The following NUDT3 variants were observed in gnomAD, a reference collection of about 807,000 sequenced individuals.
NUDT3 encodes the protein diphosphoinositol polyphosphate phosphohydrolase 1.
In NUDT3, 9 loss-of-function variants were observed where a neutral mutation model predicts 23.6. That is an observed-to-expected ratio of 0.38 (90% CI 0.23 to 0.66). The LOEUF (loss-of-function observed/expected upper bound fraction) is 0.66. Ranked by LOEUF, NUDT3 falls within the 30% of genes least tolerant of loss-of-function variation. The pLI is 0.52. For synonymous variants in NUDT3, 86 were observed against 82.6 expected (o/e 1.04, Z -0.22); for missense variants, 172 against 218.5 (o/e 0.79, Z 1.34).
intron 2 of NUDT3, among the ~76,000 whole-genome samples, chr6:34,319,893 T>G (rs1018807652): frequency 3.3e-5 from 5 of 152,226 alleles, no homozygotes; most frequent in Admixed American, 2.0e-4. Context: ...TTCTGTTTTC[T>G]GAGGCCTGCT....
chr6:34,288,472 C>G lies in NUDT3; in HGVS notation c.*281G>C. 3.4e-6 allele frequency: 1 copy of G among 294,556 alleles called. No homozygotes were observed. The highest frequency in any genetic ancestry group is 6.2e-6 in the Non-Finnish European group (1 of 161,096). The allele number at this position is 294,556 out of a possible 1,614,324, so 18.2% of individuals were successfully genotyped here. On this transcript the variant is annotated 3_prime_UTR_variant, in exon 5 of 5. Transcript: ENST00000607016. ...TCCAAGGCAGGGGAAGGCTGTTGGC[C>G]TCTCTTCAGAGGACTGCAGGGGTGG...
intron 2 of NUDT3, among the ~76,000 whole-genome samples, chr6:34,338,444 T>G (rs1764241849): frequency 6.6e-6 from 1 of 152,246 alleles, no homozygotes; most frequent in Non-Finnish European, 1.5e-5. Context: ...AATTTTCAAA[T>G]TATAGTTTCC....
chr6:34,341,652 G>A lies in NUDT3; in HGVS notation c.210+210C>T, dbSNP rs987083750. Reference sequence around the variant, plus strand: ...AAGTAACAAAAGTCTGGCATAAAAAGTCATGGGAAGTCTGGCACAGAGTGC... The same window carrying A: ...AAGTAACAAAAGTCTGGCATAAAAAATCATGGGAAGTCTGGCACAGAGTGC... On this transcript the variant is annotated intron_variant, in intron 2 of 4. Coordinates refer to ENST00000607016, the MANE Select transcript of NUDT3 (RefSeq NM_006703.4). Among the ~76,000 whole-genome samples, 5 of 152,250 alleles carry A rather than the reference G, an allele frequency of 3.3e-5. No homozygotes were observed. The East Asian group carries it at 9.6e-4, about 29-fold the overall frequency.
chr6:34,326,260 C>T (rs1185864668), intron 2 of NUDT3, among the ~76,000 whole-genome samples: 1 of 152,226 alleles, frequency 6.6e-6, no homozygotes, highest in African/African-American at 2.4e-5. Context: ...TAGCAAACTA[C>T]ATCTAGCTAC....
chr6:34,380,197 G>A (rs1194262453), intron 1 of NUDT3, among the ~76,000 whole-genome samples: 4 of 151,836 alleles, frequency 2.6e-5, no homozygotes, highest in Admixed American at 1.3e-4. Context: ...GATTACAGGC[G>A]CCTGCCACCA....
At chr6:34,373,532 T>C (rs143558744) in intron 1 of NUDT3, among the ~76,000 whole-genome samples, 3 of 152,184 alleles carry the variant, frequency 2.0e-5, no homozygotes, top group African/African-American at 7.2e-5. Context: ...TATAACGTAA[T>C]GGGCTCAAAA....
intron 2 of NUDT3, among the ~76,000 whole-genome samples, chr6:34,306,640 C>G (rs958176677): frequency 2.0e-5 from 3 of 152,234 alleles, no homozygotes; most frequent in African/African-American, 7.2e-5. Context: ...GTAATTCCAC[C>G]TCTATTCAGG....
intron 1 of NUDT3, among the ~76,000 whole-genome samples, chr6:34,387,191 GTATTTACTAT>G: frequency 6.6e-6 from 1 of 152,032 alleles, no homozygotes; most frequent in South Asian, 2.1e-4. Context: ...ACTGGTTTCT[GTATTTACTAT>G]ACTGTACTTT....
intron 2 of NUDT3, among the ~76,000 whole-genome samples, chr6:34,296,216 CTA>C (rs1251677240): frequency 1.3e-5 from 2 of 152,188 alleles, no homozygotes; most frequent in African/African-American, 4.8e-5. Context: ...TTGCAATGAG[CTA>C]TGATTGCACC....
intron 1 of NUDT3, among the ~76,000 whole-genome samples, chr6:34,373,716 G>A (rs1019967171): frequency 1.3e-5 from 2 of 152,164 alleles, no homozygotes; most frequent in Admixed American, 6.5e-5. Flanking sequence ...GCTGGGATTC[G>A]TGATCAGCTT....
intron 1 of NUDT3, among the ~76,000 whole-genome samples, chr6:34,354,749 A>ATATATATATTTATT (rs570166534): frequency 6.9e-6 from 1 of 144,540 alleles, no homozygotes; most frequent in East Asian, 2.0e-4. Context: ...ATATATATAT[A>ATATATATATTTATT]TATTTATTTA....
intron 1 of NUDT3, among the ~76,000 whole-genome samples, chr6:34,382,918 G>A (rs1765046160): frequency 6.6e-6 from 1 of 151,906 alleles, no homozygotes; most frequent in Non-Finnish European, 1.5e-5. Context: ...ACAAGGTCAG[G>A]AGTTCGAGAC....
chr6:34,336,521 T>G (rs1266740054), intron 2 of NUDT3, among the ~76,000 whole-genome samples: 1 of 152,242 alleles, frequency 6.6e-6, no homozygotes, highest in Non-Finnish European at 1.5e-5. Flanking sequence ...GTAGACTGTC[T>G]CTTCACTGTT....
chr6:34,321,600 G>A (rs1005608903), intron 2 of NUDT3, among the ~76,000 whole-genome samples: 4 of 151,680 alleles, frequency 2.6e-5, no homozygotes, highest in African/African-American at 9.7e-5. Flanking sequence ...TATATTTTTC[G>A]CTTATTATTT....
At chr6:34,373,626 T>A (rs1433042333) in intron 1 of NUDT3, among the ~76,000 whole-genome samples, 1 of 152,186 alleles carries the variant, frequency 6.6e-6, no homozygotes, top group African/African-American at 2.4e-5. Context: ...TTAAAAAGTA[T>A]TTTATGGCAT....
At chr6:34,346,395 C>T (rs1296064864) in intron 1 of NUDT3, among the ~76,000 whole-genome samples, 2 of 152,156 alleles carry the variant, frequency 1.3e-5, no homozygotes, top group Non-Finnish European at 2.9e-5. Context: ...CATTATAAAC[C>T]TAAGCATTGC....
chr6:34,323,618 G>T (rs922395366), intron 2 of NUDT3, among the ~76,000 whole-genome samples: 5 of 151,940 alleles, frequency 3.3e-5, no homozygotes, highest in African/African-American at 9.7e-5. Context: ...GAAGCGAAGC[G>T]AAGAGAAGAG....
intron 1 of NUDT3, among the ~76,000 whole-genome samples, chr6:34,366,627 A>G (rs1764739602): frequency 6.6e-6 from 1 of 151,908 alleles, no homozygotes; most frequent in South Asian, 2.1e-4. Context: ...GCATGATCAT[A>G]GCTCACTGCA....
intron 1 of NUDT3, among the ~76,000 whole-genome samples, chr6:34,357,364 T>C (rs1317008210): frequency 6.6e-6 from 1 of 151,376 alleles, no homozygotes; most frequent in Non-Finnish European, 1.5e-5. Flanking sequence ...ATGCCTGTAA[T>C]CCTAGCACTT....
Sources: gnomAD v4.1 joint callset for allele counts (sites outside exome capture counted in the v4.1 genomes callset) on GRCh38, gnomAD v4.1.1 for gene constraint, MANE v1.5 for transcripts, NCBI Gene and HGNC (gene_info 2026-07-23, HGNC 2026-07-21) for gene names.